ANKRD11: variants seen among roughly 807,000 people sequenced by gnomAD.
ANKRD11 encodes ankyrin repeat domain 11.
Under a neutral mutation model 195.7 loss-of-function variants are expected in ANKRD11, and 17 were observed. The ratio of observed to expected loss-of-function variants is 0.09; its 90% CI spans 0.06 to 0.13. ANKRD11 has a LOEUF of 0.13. Ranked by LOEUF, ANKRD11 falls within the 10% of genes least tolerant of loss-of-function variation. The probability of loss-of-function intolerance (pLI) is 1.00; values close to 1 mark genes in which losing one functional copy is unlikely to be tolerated. For missense variants in ANKRD11, 3,735 were observed against 3,566.1 expected, an observed-to-expected ratio of 1.05 and a Z score of -1.21; for synonymous variants, 1,953 against 1,528.1, an observed-to-expected ratio of 1.28 and a Z score of -6.49.
At chr16:89,393,869 T>C (rs1160877286) in intron 2 of ANKRD11, among the ~76,000 whole-genome samples, 1 of 152,168 alleles carries the variant, frequency 6.6e-6, no homozygotes, top group Non-Finnish European at 1.5e-5. Flanking sequence ...CATGCTGATC[T>C]GCATGAGGAA....
At chr16:89,484,769 G>C (rs1224159357) in intron 1 of ANKRD11, among the ~76,000 whole-genome samples, 1 of 152,108 alleles carries the variant, frequency 6.6e-6, no homozygotes, top group Non-Finnish European at 1.5e-5. Context: ...ATTTTACCAT[G>C]ACAAAAGAAA....
intron 2 of ANKRD11, among the ~76,000 whole-genome samples, chr16:89,396,754 T>G (rs990911472): frequency 6.6e-6 from 1 of 152,224 alleles, no homozygotes; most frequent in African/African-American, 2.4e-5. Context: ...TGGCGCCATC[T>G]TGGCTCACTG....
At chr16:89,482,312 T>C (rs1439640601) in intron 1 of ANKRD11, among the ~76,000 whole-genome samples, 1 of 152,122 alleles carries the variant, frequency 6.6e-6, no homozygotes, top group Non-Finnish European at 1.5e-5. Context: ...CATGCCAATG[T>C]GTGAACGGTC....
intron 1 of ANKRD11, among the ~76,000 whole-genome samples, chr16:89,480,904 G>A (rs536351664): frequency 1.3e-5 from 2 of 152,102 alleles, no homozygotes; most frequent in African/African-American, 4.8e-5. Flanking sequence ...TTCCTCAACT[G>A]AGATGCCCAC....
rs2033979033 is a variant in ANKRD11, at chr16:89,279,511, A to G, written c.7031T>C (p.Leu2344Pro). 2 of 1,368,158 alleles carry G rather than the reference A, an allele frequency of 1.5e-6. No homozygotes were observed. Among genetic ancestry groups the G allele is most frequent in the Non-Finnish European group, 2.0e-6 (2 of 1,005,772 alleles). The allele number at this position is 1,368,158 out of a possible 1,614,324, so 84.8% of individuals were successfully genotyped here. A position where few individuals can be genotyped will look rare whatever the true frequency, so the allele number is the denominator to read the frequency against. The change falls in exon 9 of 13, where the codon CTC becomes CCC. Residue 2344 changes from leucine (L) to proline (P), a missense_variant. Coordinates refer to ENST00000301030, the MANE Select transcript of ANKRD11 (RefSeq NM_013275.6). This position sits in a 1 kb window ranked among gnomAD's most constrained non-coding sequence, Gnocchi z 5.6. ...CGGGCCCTGCTTGCTCTGGTTCGCG[A>G]GCATCTGCGCCCGGTTCCTGGTCAT... ...QRMTRNRAQM[L>P]ANQSKQGPPP...
intron 2 of ANKRD11, among the ~76,000 whole-genome samples, chr16:89,417,902 G>A (rs2042370744): frequency 1.3e-5 from 2 of 152,284 alleles, no homozygotes; most frequent in South Asian, 4.1e-4. Flanking sequence ...CACGCAAACT[G>A]TTAACACAAC....
intron 2 of ANKRD11, among the ~76,000 whole-genome samples, chr16:89,356,034 T>C (rs1369588423): frequency 1.3e-5 from 2 of 152,192 alleles, no homozygotes; most frequent in Admixed American, 6.5e-5. Flanking sequence ...TGAGCCCAGA[T>C]AGCGCCCCTG....
At chr16:89,386,991 T>A (rs1266769005) in intron 2 of ANKRD11, among the ~76,000 whole-genome samples, 1 of 151,260 alleles carries the variant, frequency 6.6e-6, no homozygotes, top group African/African-American at 2.4e-5. Context: ...CTGGGAGCCC[T>A]GTATCGACTG....
chr16:89,374,534 T>C (rs2040335540), intron 2 of ANKRD11, among the ~76,000 whole-genome samples: 1 of 152,202 alleles, frequency 6.6e-6, no homozygotes, highest in Non-Finnish European at 1.5e-5. Context: ...CGATGGCCTC[T>C]GCCGGCCGCT....
intron 2 of ANKRD11, among the ~76,000 whole-genome samples, chr16:89,327,835 T>C (rs985598277): frequency 6.6e-6 from 1 of 151,652 alleles, no homozygotes; most frequent in African/African-American, 2.4e-5. Context: ...GGGCCAAGAG[T>C]TGTCAGACAT....
chr16:89,321,834 A>C (rs1266120710), intron 2 of ANKRD11, among the ~76,000 whole-genome samples: 1 of 151,826 alleles, frequency 6.6e-6, no homozygotes, highest in Non-Finnish European at 1.5e-5. Context: ...ATTTTCTTCC[A>C]CCTCTGCCTC....
Position 89,274,922 on chromosome 16 carries a change from C to T in ANKRD11, c.7605G>A (p.Leu2535=). The T allele has an allele frequency of 6.2e-7, 1 of 1,613,672 alleles. No homozygotes were observed. Reference sequence around the variant, plus strand: ...TCCTGGCCGCCCGGCAGTGAACCCGCAGAATCTCCTGCTCACAGGATACGA... The same window carrying T: ...TCCTGGCCGCCCGGCAGTGAACCCGTAGAATCTCCTGCTCACAGGATACGA... ...KLIVSCEQEI[L]RVHCRAARTI... is the part of the protein sequence containing the mutation. The change falls in exon 11 of 13, where the codon CTG becomes CTA. Residue 2535 remains leucine (L), a synonymous_variant. Transcript: ENST00000301030.
chr16:89,313,515 T>G, intron 3 of ANKRD11: 2 of 1,289,206 alleles, frequency 1.6e-6, no homozygotes, highest in Non-Finnish European at 2.0e-6. Context: ...GGCATCAGGA[T>G]GCACTGCAGA....
intron 1 of ANKRD11, among the ~76,000 whole-genome samples, chr16:89,467,981 T>C (rs914849203): frequency 1.3e-5 from 2 of 152,040 alleles, no homozygotes; most frequent in Admixed American, 6.6e-5. Flanking sequence ...TTTTTGTATT[T>C]TTAGTAGAGA....
intron 1 of ANKRD11, among the ~76,000 whole-genome samples, chr16:89,427,840 T>G (rs1448684073): frequency 6.6e-6 from 1 of 151,824 alleles, no homozygotes; most frequent in African/African-American, 2.4e-5. Flanking sequence ...TTTTCTAAAA[T>G]GATTATTTTT....
intron 9 of ANKRD11, among the ~76,000 whole-genome samples, chr16:89,276,200 G>A (rs934548510): frequency 6.6e-6 from 1 of 152,206 alleles, no homozygotes; most frequent in Non-Finnish European, 1.5e-5. Context: ...CATGGCATGA[G>A]ACCAACGCTG....
At chr16:89,275,748 T>C (rs1184649985) in intron 9 of ANKRD11, among the ~76,000 whole-genome samples, 1 of 152,154 alleles carries the variant, frequency 6.6e-6, no homozygotes, top group Non-Finnish European at 1.5e-5. Context: ...GCGCAGGCAC[T>C]GCACTCCCAC....
chr16:89,489,524 C>T (rs956560351), intron 1 of ANKRD11, among the ~76,000 whole-genome samples: 1 of 151,464 alleles, frequency 6.6e-6, no homozygotes, highest in Non-Finnish European at 1.5e-5. Flanking sequence ...TCGCCCTCCC[C>T]CTCCGGCTCG....
chr16:89,375,968 C>T (rs1034797244), intron 2 of ANKRD11, among the ~76,000 whole-genome samples: 3 of 152,154 alleles, frequency 2.0e-5, no homozygotes, highest in African/African-American at 4.8e-5. Context: ...GCAGCCTGTG[C>T]TCTGCTGTGG....
Sources: gnomAD v4.1 joint callset for allele counts (sites outside exome capture counted in the v4.1 genomes callset) on GRCh38, gnomAD v4.1.1 for gene constraint, Gnocchi (gnomAD v3.1) non-coding constraint, MANE v1.5 for transcripts, NCBI Gene and HGNC (gene_info 2026-07-23, HGNC 2026-07-21) for gene names.